TENM2: variants seen among roughly 807,000 people sequenced by gnomAD.
TENM2 encodes teneurin transmembrane protein 2.
Under a neutral mutation model 245.2 loss-of-function variants are expected in TENM2, and 52 were observed. The observed-to-expected ratio is 0.21, with a 90% CI of 0.17 to 0.27. The LOEUF (loss-of-function observed/expected upper bound fraction) is 0.27, where lower values mean the gene tolerates loss of function less well. Among genes scored for constraint, TENM2 ranks in the 10% least tolerant of loss-of-function variants. The pLI is 1.00. For missense variants in TENM2, 3,046 were observed against 3,666.8 expected, an observed-to-expected ratio of 0.83 and a Z score of 4.37; for synonymous variants, 1,363 against 1,438.9, an observed-to-expected ratio of 0.95 and a Z score of 1.19.
At chr5:167,161,757 A>G in the TENM2 span, among the ~76,000 whole-genome samples, 13 of 152,182 alleles carry the variant, frequency 8.5e-5, no homozygotes, top group Non-Finnish European at 2.9e-5. Context: ...TCTACATTCA[A>G]ATTTCACATA....
At chr5:167,500,251 G>A (rs1202727613) in intron 2 of TENM2, among the ~76,000 whole-genome samples, 1 of 152,008 alleles carries the variant, frequency 6.6e-6, no homozygotes, top group Non-Finnish European at 1.5e-5. Context: ...GTCTGTAGCA[G>A]GTCCATCTTG....
chr5:167,279,562 C>CTTCCTTCG, the TENM2 span, among the ~76,000 whole-genome samples: 229 of 119,692 alleles, frequency 1.9e-3, 3 homozygotes, highest in Middle Eastern at 5.3e-3. Flanking sequence ...TCCTTCCTTC[C>CTTCCTTCG]TTCCTTCTTT....
intron 2 of TENM2, among the ~76,000 whole-genome samples, chr5:167,630,069 T>C (rs1473729775): frequency 6.6e-6 from 1 of 152,244 alleles, no homozygotes; most frequent in Non-Finnish European, 1.5e-5. Flanking sequence ...CACATATTTC[T>C]TTTTTCTTCT....
At chr5:167,183,051 G>C in the TENM2 span, among the ~76,000 whole-genome samples, 2 of 152,052 alleles carry the variant, frequency 1.3e-5, no homozygotes, top group African/African-American at 4.8e-5. Flanking sequence ...AAATCAAGGG[G>C]AACTAATATT....
Position 167,504,371 on chromosome 5 carries a change from T to C in TENM2, c.502+128898T>C, listed in dbSNP as rs141850053. Among the ~76,000 whole-genome samples the C allele has an allele frequency of 4.2e-3, 643 of 152,308 alleles. 6 individuals carry two copies. The highest frequency in any genetic ancestry group is 0.015 in the African/African-American group (610 of 41,574). Reference sequence around the variant, plus strand: ...CAATAATTTATTATATAATATTACTTGAGGGTTTTCTTTTACTTTAGTATA... The same window carrying C: ...CAATAATTTATTATATAATATTACTCGAGGGTTTTCTTTTACTTTAGTATA... On this transcript the variant is annotated intron_variant, in intron 2 of 28. Coordinates refer to ENST00000518659, the Ensembl canonical transcript of TENM2.
At chr5:167,135,374 G>C in the TENM2 span, among the ~76,000 whole-genome samples, 2 of 152,294 alleles carry the variant, frequency 1.3e-5, no homozygotes, top group African/African-American at 4.8e-5. Flanking sequence ...TCCATTGAGA[G>C]CAAATGTTTG....
At chr5:167,772,927 G>T (rs949082857) in intron 2 of TENM2, among the ~76,000 whole-genome samples, 2 of 152,014 alleles carry the variant, frequency 1.3e-5, no homozygotes, top group Non-Finnish European at 2.9e-5. Context: ...CTTTGTACTT[G>T]TACCCTCCAG....
chr5:167,706,004 T>C (rs1027125831), intron 2 of TENM2, among the ~76,000 whole-genome samples: 82 of 142,706 alleles, frequency 5.7e-4, no homozygotes, highest in Non-Finnish European at 9.9e-4. Flanking sequence ...TATTTATTTA[T>C]TTATTTACTT....
the TENM2 span, among the ~76,000 whole-genome samples, chr5:167,232,119 G>T: frequency 2.0e-5 from 3 of 152,178 alleles, no homozygotes; most frequent in Non-Finnish European, 4.4e-5. Flanking sequence ...GGGAGAACTT[G>T]CCTGCAAGGA....
At chr5:168,072,698 T>C (rs780501476) in intron 7 of TENM2, among the ~76,000 whole-genome samples, 55 of 152,178 alleles carry the variant, frequency 3.6e-4, no homozygotes, top group Non-Finnish European at 6.5e-4. Flanking sequence ...AGATTTAGTT[T>C]CAACATCCAG....
intron 2 of TENM2, among the ~76,000 whole-genome samples, chr5:167,439,080 C>T (rs967267995): frequency 3.3e-5 from 5 of 152,302 alleles, no homozygotes; most frequent in Non-Finnish European, 5.9e-5. Context: ...AGGCATGAGC[C>T]GCCGCACCGG....
At chr5:167,883,160 A>G (rs1172823676) in intron 3 of TENM2, among the ~76,000 whole-genome samples, 2 of 152,198 alleles carry the variant, frequency 1.3e-5, no homozygotes, top group Non-Finnish European at 2.9e-5. Flanking sequence ...CAATCCCATC[A>G]AGGAGAGAAA....
intron 2 of TENM2, among the ~76,000 whole-genome samples, chr5:167,762,463 T>C (rs983182039): frequency 1.3e-5 from 2 of 152,196 alleles, no homozygotes; most frequent in South Asian, 2.1e-4. Context: ...CTTCCTCTCG[T>C]TATTTTCGTC....
the TENM2 span, among the ~76,000 whole-genome samples, chr5:166,979,191 CCACCAGCAGCAGCAGCAGCAGCAGCAG>C: frequency 1.8e-4 from 15 of 85,256 alleles, no homozygotes; most frequent in African/African-American, 8.0e-4. Context: ...AGCAGCACCA[CCACCAGCAGCAGCAGCAGCAGCAGCAG>C]CAGCAGCAGC....
chr5:168,218,914 C>G lies in TENM2; in HGVS notation c.5023C>G (p.Leu1675Val). The stretch of plus-strand genomic sequence containing the variant: ...CCTCAAAGTCGTGTCCACACAGAAC[C>G]TGGAGCTTGGTCTCATGACCTATGA... Residue 1675 changes from leucine to valine, a missense_variant, in exon 23 of 29, where the codon CTG (leucine) becomes GTG (valine). This residue lies in a region of TENM2 where 2,704 missense variants were observed against 3,331.9 expected (regional missense o/e 0.81). Transcript: ENST00000518659. The surrounding 1 kb of genome is among the most constrained non-coding windows in gnomAD (Gnocchi z 5.2). The G allele has an allele frequency of 6.2e-7, 1 of 1,614,000 alleles. No individual in the cohort carries two copies. The highest frequency in any genetic ancestry group is 8.5e-7 in the Non-Finnish European group (1 of 1,179,886).
chr5:167,515,054 A>G (rs188385146), intron 2 of TENM2, among the ~76,000 whole-genome samples: 2 of 152,276 alleles, frequency 1.3e-5, no homozygotes, highest in Admixed American at 1.3e-4. Flanking sequence ...AACTGCATGT[A>G]TGGAAAGGAA....
chr5:167,989,268 AAGAGAGAGAGAG>A lies in TENM2; in HGVS notation c.948-3654_948-3643del, dbSNP rs10617322. Among the ~76,000 whole-genome samples the A allele has an allele frequency of 1.9e-3, 277 of 145,038 alleles. 2 individuals are homozygous for A. The highest frequency in any genetic ancestry group is 4.0e-3 in the African/African-American group (156 of 38,794). On this transcript the variant is annotated intron_variant, in intron 4 of 28. Transcript: ENST00000518659. Reference sequence around the variant, plus strand: ...TAGATAGATAGATAGAAGATAGAGAAAGAGAGAGAGAGAGAGAGAGAGAGAGAGAGAGATAGA... The same window carrying A: ...TAGATAGATAGATAGAAGATAGAGAAAGAGAGAGAGAGAGAGAGAGATAGA...
intron 7 of TENM2, among the ~76,000 whole-genome samples, chr5:168,076,183 ATT>A (rs1188392713): frequency 4.2e-3 from 5 of 1,180 alleles, no homozygotes; most frequent in Non-Finnish European, 0.017. Context: ...TTTTTATTTT[ATT>A]TTATTTTATT....
chr5:167,886,342 C>T (rs920472171), intron 3 of TENM2, among the ~76,000 whole-genome samples: 5 of 152,068 alleles, frequency 3.3e-5, no homozygotes, highest in African/African-American at 1.2e-4. Flanking sequence ...AAAATGTAGT[C>T]ATCATTTACC....
Sources: gnomAD v4.1 joint callset for allele counts (sites outside exome capture counted in the v4.1 genomes callset) on GRCh38, gnomAD v4.1.1 for gene constraint, gnomAD v4.1.1 regional missense constraint, Gnocchi (gnomAD v3.1) non-coding constraint, MANE v1.5 for transcripts, NCBI Gene and HGNC (gene_info 2026-07-23, HGNC 2026-07-21) for gene names.